Variants in CXCR5 observed in about 807,000 individuals in gnomAD.
CXCR5 encodes C-X-C chemokine receptor type 5.
A neutral mutation model predicts 5.6 loss-of-function variants in CXCR5; 3 were observed. That is an observed-to-expected ratio of 0.54 (90% confidence interval 0.24 to 1.39). The LOEUF is 1.39. CXCR5 is among the 40% of genes most tolerant of loss of function. The pLI is 0.16. For missense variants in CXCR5, 333 were observed against 494.6 expected, an observed-to-expected ratio of 0.67 and a Z score of 3.10; for synonymous variants, 218 against 219.9, an observed-to-expected ratio of 0.99 and a Z score of 0.08.
chr11:118,887,482 TC>T, intron 1 of CXCR5: 1 of 959,688 alleles, frequency 1.0e-6, no homozygotes, highest in Non-Finnish European at 1.2e-6. Context: ...GCTTAAACTC[TC>T]CCCCTAACAC....
rs1939865908 is a variant in CXCR5, at chr11:118,894,387, G to A, written c.843G>A (p.Leu281=). The A allele has an allele frequency of 1.9e-6, 3 of 1,614,186 alleles. No homozygotes were observed. The highest frequency in any genetic ancestry group is 2.5e-6 in the Non-Finnish European group (3 of 1,180,026). Residue 281 remains leucine, a synonymous_variant, in exon 2 of 2, where the codon CTG becomes CTA. Transcript: ENST00000292174. The surrounding 1 kb of genome is among the most constrained non-coding windows in gnomAD (Gnocchi z 6.1). ...CACCCTACCACATCGTCATCTTCCT[G>A]GACACCCTGGCGAGGCTGAAGGCCG... ...CWSPYHIVIF[L]DTLARLKAVD...
chr11:118,883,967 T>C lies in CXCR5; in HGVS notation c.26T>C (p.Met9Thr). The part of the protein sequence containing the change: MNYPLTLE[M>T]DLENLEDLFW... ...ATGAACTACCCGCTAACGCTGGAAA[T>C]GGACCTCGAGAACCTGGAGGACCTG... Residue 9 changes from methionine (M) to threonine (T), a missense_variant, in exon 1 of 2, where the codon ATG (methionine) becomes ACG (threonine). Coordinates refer to ENST00000292174, the MANE Select transcript of CXCR5 (RefSeq NM_001716.5). 2 of 1,612,856 alleles carry C rather than the reference T, an allele frequency of 1.2e-6. No homozygotes were observed. The highest frequency in any genetic ancestry group is 2.2e-5 in the South Asian group (2 of 90,778).
At chr11:118,891,892 A>C (rs908717713) in intron 1 of CXCR5, among the ~76,000 whole-genome samples, 1 of 150,858 alleles carries the variant, frequency 6.6e-6, no homozygotes, top group African/African-American at 2.4e-5. Flanking sequence ...AAAAAAAAAA[A>C]GTGAAGTTGA....
intron 1 of CXCR5, chr11:118,886,480 G>GTCCACCCTCTTTAA: frequency 2.5e-6 from 1 of 403,116 alleles, no homozygotes; most frequent in South Asian, 1.8e-5. Context: ...GGCAGGGGCT[G>GTCCACCCTCTTTAA]GGGGGTGGGG....
intron 1 of CXCR5, chr11:118,886,070 C>T (rs1462647101): frequency 1.3e-5 from 4 of 306,716 alleles, no homozygotes; most frequent in Non-Finnish European, 2.5e-5. Context: ...GACTGTCCCT[C>T]AGTGTCACAG....
In CXCR5 at chr11:118,883,925, TCA is replaced by T. The variant is rs775262264; in HGVS notation, c.-14_-13del. On this transcript the variant is annotated 5_prime_UTR_variant, in exon 1 of 2. Transcript: ENST00000292174. ...ATAAGACAGTGACCAGTCTGGTGAC[TCA>T]CAGCCGGCACAGCCATGAACTACCC... 6.2e-7 allele frequency: 1 copy of T among 1,609,612 alleles called. No homozygotes were observed. The highest frequency in any genetic ancestry group is 8.5e-7 in the Non-Finnish European group (1 of 1,177,892).
At chr11:118,886,503 TTCTC>T (rs1939715342) in intron 1 of CXCR5, 3 of 386,256 alleles carry the variant, frequency 7.8e-6, no homozygotes, top group Non-Finnish European at 1.5e-5. Flanking sequence ...GGGCTGCTAA[TTCTC>T]ATCAATGAAA....
chr11:118,894,630 G>A lies in CXCR5; in HGVS notation c.1086G>A (p.Glu362=), dbSNP rs749744362. The A allele has an allele frequency of 2.8e-5, 43 of 1,513,266 alleles. No homozygotes were observed. The East Asian group carries it at 9.8e-4, about 34-fold the overall frequency. The allele number at this position is 1,513,266 out of a possible 1,614,324, so 93.7% of individuals were successfully genotyped here. Residue 362 remains glutamate (E), a synonymous_variant, in exon 2 of 2, where the codon GAG becomes GAA. Transcript: ENST00000292174. This position sits in a 1 kb window ranked among gnomAD's most constrained non-coding sequence, Gnocchi z 6.1. ...GCTGGCGCAGGAGCAGTCTCTCTGA[G>A]TCAGAGAATGCCACCTCTCTCACCA... ...FPSWRRSSLS[E]SENATSLTTF
At chr11:118,890,612 G>A (rs1371204683) in intron 1 of CXCR5, among the ~76,000 whole-genome samples, 1 of 152,060 alleles carries the variant, frequency 6.6e-6, no homozygotes, top group African/African-American at 2.4e-5. Context: ...CCGGGGGGTG[G>A]TCTAGAGCAA....
chr11:118,895,325 T>C lies in CXCR5; in HGVS notation c.*662T>C, dbSNP rs1939888502. ...CCGAAACAGCGCTGGGTCCACCCCA[T>C]GTCACCGGATCCTGGGTGGTCTGCA... On this transcript the variant is annotated 3_prime_UTR_variant, in exon 2 of 2. Coordinates refer to ENST00000292174, the MANE Select transcript of CXCR5 (RefSeq NM_001716.5). The surrounding 1 kb of genome is among the most constrained non-coding windows in gnomAD (Gnocchi z 4.2). 6.0e-6 allele frequency: 1 copy of C among 167,064 alleles called. No individual in the cohort carries two copies. The highest frequency in any genetic ancestry group is 1.5e-5 in the Non-Finnish European group (1 of 68,164). 10.3% of individuals were successfully genotyped at this position (167,064 alleles called of 1,614,324 possible).
In CXCR5 at chr11:118,894,714, C is replaced by T; in HGVS notation, c.*51C>T. 1 of 1,478,574 alleles carries T rather than the reference C, an allele frequency of 6.8e-7. No individual in the cohort carries two copies. Among genetic ancestry groups the T allele is most frequent in the Non-Finnish European group, 9.0e-7 (1 of 1,109,658 alleles). The allele number at this position is 1,478,574 out of a possible 1,614,324, so 91.6% of individuals were successfully genotyped here. ...CTTTTCCTTGGGGCAGGCAGTGATG[C>T]TGGATGCTCCTTCCAACAGGAGCTG... is the stretch of plus-strand genomic sequence containing the variant. On this transcript the variant is annotated 3_prime_UTR_variant, in exon 2 of 2. Coordinates refer to ENST00000292174, the MANE Select transcript of CXCR5 (RefSeq NM_001716.5). This position sits in a 1 kb window ranked among gnomAD's most constrained non-coding sequence, Gnocchi z 6.1.
At chr11:118,886,434 A>G (rs1591963968) in intron 1 of CXCR5, 1 of 421,984 alleles carries the variant, frequency 2.4e-6, no homozygotes, top group Non-Finnish European at 4.6e-6. Context: ...GAACTCGAAG[A>G]CCAACTCGAG....
At chr11:118,889,346 T>C (rs1484001402) in intron 1 of CXCR5, among the ~76,000 whole-genome samples, 1 of 152,216 alleles carries the variant, frequency 6.6e-6, no homozygotes, top group Non-Finnish European at 1.5e-5. Context: ...AAGGTGCATG[T>C]TGCTGTCAAG....
chr11:118,886,447 G>A (rs756269572), intron 1 of CXCR5: 13 of 419,318 alleles, frequency 3.1e-5, no homozygotes, highest in South Asian at 1.4e-4. Flanking sequence ...AACTCGAGCC[G>A]CTTAAAATGT....
intron 1 of CXCR5, among the ~76,000 whole-genome samples, chr11:118,888,001 G>A (rs1169037228): frequency 6.6e-6 from 1 of 152,196 alleles, no homozygotes; most frequent in Non-Finnish European, 1.5e-5. Context: ...TCAGGCTGGG[G>A]CATTCACTGG....
In CXCR5 at chr11:118,897,757, CT is replaced by C. The variant is rs35636302; in HGVS notation, c.*3104del. Reference sequence around the variant, plus strand: ...GAAGGGGGGAAGGGTTTCTTTTATCCTTTTTTTTTTGTGTGACTTCTATCAA... The same window carrying C: ...GAAGGGGGGAAGGGTTTCTTTTATCCTTTTTTTTTGTGTGACTTCTATCAA... On this transcript the variant is annotated 3_prime_UTR_variant, in exon 2 of 2. Transcript: ENST00000292174. The C allele has an allele frequency of 2.6e-3, 1,053 of 398,412 alleles. No individual in the cohort carries two copies. The highest frequency in any genetic ancestry group is 5.0e-3 in the South Asian group (265 of 52,878). The allele number at this position is 398,412 out of a possible 1,614,324, so 24.7% of individuals were successfully genotyped here. A position where few individuals can be genotyped will look rare whatever the true frequency, so the allele number is the denominator to read the frequency against.
At chr11:118,891,105 G>C (rs186046678) in intron 1 of CXCR5, among the ~76,000 whole-genome samples, 39 of 152,252 alleles carry the variant, frequency 2.6e-4, no homozygotes, top group Admixed American at 9.2e-4. Flanking sequence ...CGTGTGTTTG[G>C]GGGAGAAATT....
chr11:118,897,736 G>A lies in CXCR5; in HGVS notation c.*3073G>A, dbSNP rs1000670131. ...TGGAGGGAGCAATAACTTGAAGAAG[G>A]GGGGAAGGGTTTCTTTTATCCTTTT... On this transcript the variant is annotated 3_prime_UTR_variant, in exon 2 of 2. Coordinates refer to ENST00000292174, the MANE Select transcript of CXCR5 (RefSeq NM_001716.5). 3 of 448,790 alleles carry A rather than the reference G, an allele frequency of 6.7e-6. No individual in the cohort carries two copies. The highest frequency in any genetic ancestry group is 2.5e-5 in the Admixed American group (1 of 40,214). 27.8% of individuals were successfully genotyped at this position (448,790 alleles called of 1,614,324 possible). A position where few individuals can be genotyped will look rare whatever the true frequency, so the allele number is the denominator to read the frequency against.
rs988990330 is a variant in CXCR5 at position 118,897,199 on chromosome 11, A to C, written c.*2536A>C. The stretch of plus-strand genomic sequence containing the variant: ...GAACTGTTCTCCCCCTTCTTTGATA[A>C]GAAGTAGGTGGCAGCAGCCTCTGGA... On this transcript the variant is annotated 3_prime_UTR_variant, in exon 2 of 2. Coordinates refer to ENST00000292174, the MANE Select transcript of CXCR5 (RefSeq NM_001716.5). 1.2e-4 allele frequency: 18 copies of C among 154,498 alleles called. No individual in the cohort carries two copies. The highest frequency in any genetic ancestry group is 4.1e-4 in the African/African-American group (17 of 41,410). The allele number at this position is 154,498 out of a possible 1,614,324, so 9.6% of individuals were successfully genotyped here.
Sources: allele counts gnomAD v4.1 joint callset (sites outside exome capture counted in the v4.1 genomes callset), GRCh38; gene constraint gnomAD v4.1.1; non-coding constraint Gnocchi (gnomAD v3.1); transcripts MANE v1.5; gene names NCBI Gene and HGNC (gene_info 2026-07-23, HGNC 2026-07-21).